Variants in OGDHL observed in about 807,000 individuals in gnomAD.
OGDHL encodes 2-oxoglutarate dehydrogenase-like, mitochondrial.
A neutral mutation model predicts 109.6 loss-of-function variants in OGDHL; 79 were observed. The ratio of observed to expected loss-of-function variants is 0.72; its 90% CI spans 0.60 to 0.87. OGDHL has a LOEUF of 0.87. OGDHL is among the 40% of genes least tolerant of loss of function. The pLI is 0.00. For synonymous variants in OGDHL, 528 were observed against 537.2 expected, an observed-to-expected ratio of 0.98 and a Z score of 0.24; for missense variants, 1,275 against 1,362.2, an observed-to-expected ratio of 0.94 and a Z score of 1.01.
chr10:49,738,736 G>C (rs1841410234), intron 17 of OGDHL: 1 of 179,780 alleles, frequency 5.6e-6, no homozygotes, highest in African/African-American at 2.4e-5. Context: ...ACCCAACTCG[G>C]CCTGGGCCTC....
At chr10:49,749,884 T>C (rs1163361842) in intron 7 of OGDHL, 68 bp from the exon 8 acceptor site, 20 of 1,378,650 alleles carry the variant, frequency 1.5e-5, no homozygotes, top group Non-Finnish European at 1.8e-5. Context: ...TCCCCCACTG[T>C]GGAGGCCTGG....
intron 16 of OGDHL, 97 bp from the exon 17 acceptor site, chr10:49,739,936 C>A (rs982986441): frequency 2.4e-6 from 3 of 1,269,296 alleles, no homozygotes; most frequent in South Asian, 1.5e-5. Flanking sequence ...TCCATGCCCC[C>A]ACCCATCCTT....
chr10:49,761,681 C>T (rs1474762742), intron 1 of OGDHL, among the ~76,000 whole-genome samples: 2 of 152,224 alleles, frequency 1.3e-5, no homozygotes, highest in African/African-American at 4.8e-5. Flanking sequence ...CTCGGGATTA[C>T]CCCGTCCCCC....
At chr10:49,739,880 C>G (rs754633871) in intron 16 of OGDHL, 41 bp from the exon 17 acceptor site, 16 of 1,579,894 alleles carry the variant, frequency 1.0e-5, no homozygotes, top group Admixed American at 1.8e-5. Flanking sequence ...ACACAGTCAC[C>G]AAGTGGCAGT....
At chr10:49,758,076 T>A (rs78239587) in intron 2 of OGDHL, among the ~76,000 whole-genome samples, 1 of 152,234 alleles carries the variant, frequency 6.6e-6, no homozygotes, top group Non-Finnish European at 1.5e-5. Flanking sequence ...GATCAATACA[T>A]ACACAAACAC....
intron 15 of OGDHL, among the ~76,000 whole-genome samples, chr10:49,741,593 G>C (rs117925009): frequency 6.6e-6 from 1 of 151,274 alleles, no homozygotes; most frequent in South Asian, 2.1e-4. Context: ...GATTCACAAA[G>C]ACAACTGCAA....
At chr10:49,761,683 C>G (rs1018626310) in intron 1 of OGDHL, among the ~76,000 whole-genome samples, 1 of 152,246 alleles carries the variant, frequency 6.6e-6, no homozygotes, top group African/African-American at 2.4e-5. Flanking sequence ...CGGGATTACC[C>G]CGTCCCCCTC....
chr10:49,736,159 C>T lies in OGDHL; in HGVS notation c.2773G>A (p.Asp925Asn), dbSNP rs757470245. 4 of 1,600,738 alleles carry T rather than the reference C, an allele frequency of 2.5e-6. No homozygotes were observed. Among genetic ancestry groups the T allele is most frequent in the South Asian group, 1.1e-5 (1 of 88,232 alleles). ...TTCTCTGCCTCCTGCTTGATCAGGT[C>T]GAAGGGGAATGGAGAGATCTGGGGA... The part of the protein sequence containing the change: ...RLEQISPFPF[D>N]LIKQEAEKYP... Residue 925 changes from aspartate to asparagine, a missense_variant, in exon 22 of 23, where the codon GAC (aspartate) becomes AAC (asparagine). By Grantham distance (23) the Asp-to-Asn change is conservative. Transcript: ENST00000374103.
At chr10:49,735,387 G>A (rs753502036) in intron 22 of OGDHL, 36 bp from the exon 23 acceptor site, 29 of 1,600,914 alleles carry the variant, frequency 1.8e-5, no homozygotes, top group Non-Finnish European at 2.3e-5. Context: ...GGAAGGCGGG[G>A]CCTAGCCGCC....
intron 1 of OGDHL, chr10:49,758,802 T>C: frequency 1.7e-6 from 1 of 603,040 alleles, no homozygotes; most frequent in Non-Finnish European, 2.9e-6. Context: ...ACTCTATCAA[T>C]AGATATCAAA....
chr10:49,750,809 G>A lies in OGDHL; in HGVS notation c.896+30C>T, dbSNP rs764031245. ...TCTGTCCCCTGGGCTGGAGGAGAAT[G>A]CGCAAGGCACAGCAGGGAGGGGGAC... On this transcript the variant is annotated intron_variant, in intron 7 of 22. Coordinates refer to ENST00000374103, the MANE Select transcript of OGDHL (RefSeq NM_018245.3). 4 of 1,584,196 alleles carry A rather than the reference G, an allele frequency of 2.5e-6. No homozygotes were observed. The South Asian group carries it at 3.5e-5, about 14-fold the overall frequency.
intron 15 of OGDHL, among the ~76,000 whole-genome samples, chr10:49,742,354 CACAACACACCACACACCCACAA>C: frequency 7.5e-6 from 1 of 132,806 alleles, no homozygotes; most frequent in Non-Finnish European, 1.6e-5. Context: ...ACATGCACCA[CACAACACACCACACACCCACAA>C]ATACACACCA....
At chr10:49,737,518 C>A (rs1359587110) in intron 20 of OGDHL, among the ~76,000 whole-genome samples, 2 of 152,200 alleles carry the variant, frequency 1.3e-5, no homozygotes, top group African/African-American at 4.8e-5. Flanking sequence ...ACTCAGCAGG[C>A]CTCTGCCAGG....
chr10:49,740,590 C>T lies in OGDHL; in HGVS notation c.2140+120G>A. The T allele has an allele frequency of 3.2e-6, 4 of 1,258,682 alleles. No individual in the cohort carries two copies. The South Asian group carries it at 6.5e-5, about 20-fold the overall frequency. The allele number at this position is 1,258,682 out of a possible 1,614,324, so 78.0% of individuals were successfully genotyped here. Reference sequence around the variant, plus strand: ...CCAATCACCATCCCCCAGGGCCATCCCCTAAGGGCCTCTGAGCATCTCTCG... The same window carrying T: ...CCAATCACCATCCCCCAGGGCCATCTCCTAAGGGCCTCTGAGCATCTCTCG... On this transcript the variant is annotated intron_variant, in intron 16 of 22. Coordinates refer to ENST00000374103, the MANE Select transcript of OGDHL (RefSeq NM_018245.3).
Position 49,745,992 on chromosome 10 carries a change from GA to G in OGDHL, c.1297-16del. 1.2e-6 allele frequency: 2 copies of G among 1,612,398 alleles called. No individual in the cohort carries two copies. The highest frequency in any genetic ancestry group is 1.7e-6 in the Non-Finnish European group (2 of 1,178,748). On this transcript the variant is annotated splice_polypyrimidine_tract_variant and intron_variant, in intron 10 of 22. Transcript: ENST00000374103. ...GTGAATCCAATCTGCAGAGGCAGGA[GA>G]AACCTGCTGCGCCTCTCAATTTACT...
intron 22 of OGDHL, among the ~76,000 whole-genome samples, chr10:49,735,561 T>C (rs1057149602): frequency 6.6e-6 from 1 of 152,176 alleles, no homozygotes; most frequent in Admixed American, 6.5e-5. Context: ...GGAGAAACTG[T>C]CCCTCCATGT....
rs1179010015 is a variant in OGDHL, at chr10:49,746,766, A to T, written c.1280T>A (p.Val427Asp). 4 of 1,614,034 alleles carry T rather than the reference A, an allele frequency of 2.5e-6. No individual in the cohort carries two copies. The highest frequency in any genetic ancestry group is 3.4e-6 in the Non-Finnish European group (4 of 1,180,018). The change falls in exon 10 of 23, where the codon GTC (valine) becomes GAC (aspartate). Residue 427 changes from valine (V) to aspartate (D), a missense_variant. By Grantham distance (152) the Val-to-Asp change is radical. Transcript: ENST00000374103. ...PSYTTNGTVHVVVNNQIGFTT... is the reference protein window; with the variant it reads ...PSYTTNGTVHDVVNNQIGFTT... ...CATGCTCACCTGGTTGTTGACGACG[A>T]CGTGCACGGTACCATTGGTCGTGTA...
intron 17 of OGDHL, 200 bp from the exon 18 acceptor site, chr10:49,738,462 G>A (rs1211652731): frequency 1.7e-6 from 1 of 603,324 alleles, no homozygotes; most frequent in Admixed American, 2.9e-5. Flanking sequence ...TCTGCCCAGA[G>A]CTAGCACAGT....
At chr10:49,741,690 C>T (rs1313963848) in intron 15 of OGDHL, among the ~76,000 whole-genome samples, 1 of 148,586 alleles carries the variant, frequency 6.7e-6, no homozygotes, top group Non-Finnish European at 1.5e-5. Flanking sequence ...CACACACATA[C>T]ACATCCCCAC....
Sources: allele counts gnomAD v4.1 joint callset (sites outside exome capture counted in the v4.1 genomes callset), GRCh38; gene constraint gnomAD v4.1.1; transcripts MANE v1.5; gene names NCBI Gene and HGNC (gene_info 2026-07-23, HGNC 2026-07-21).